The following DOCK9 variants were observed in gnomAD, a reference collection of about 807,000 sequenced individuals.
DOCK9 encodes the protein dedicator of cytokinesis 9, also known as dedicator of cytokinesis protein 9.
Under a neutral mutation model 263.3 loss-of-function variants are expected in DOCK9, and 89 were observed. That is an observed-to-expected ratio of 0.34 (90% CI 0.28 to 0.40). DOCK9 has a LOEUF of 0.40. Among genes scored for constraint, DOCK9 ranks in the 10% least tolerant of loss-of-function variants. DOCK9 has a pLI of 1.00. For missense variants in DOCK9, 2,140 were observed against 2,603.4 expected (o/e 0.82, Z 3.87); for synonymous variants, 976 against 973.1 (o/e 1.00, Z -0.06).
chr13:98,856,101 T>C, intron 33 of DOCK9, 70 bp from the exon 34 acceptor site: 5 of 1,513,810 alleles, frequency 3.3e-6, no homozygotes, highest in Non-Finnish European at 4.5e-6. Context: ...TACTGAACTT[T>C]AAGGGAAATT....
chr13:98,922,288 C>G (rs897501961), intron 5 of DOCK9, 142 bp from the exon 6 acceptor site: 2 of 553,252 alleles, frequency 3.6e-6, no homozygotes, highest in South Asian at 2.5e-5. Flanking sequence ...GACACCAATG[C>G]CTACAAGTCA....
chr13:99,074,990 T>C (rs886486031), intron 1 of DOCK9, among the ~76,000 whole-genome samples: 1 of 152,238 alleles, frequency 6.6e-6, no homozygotes, highest in Admixed American at 6.5e-5. Flanking sequence ...CAATATGTAC[T>C]GTAGTTAATT....
Position 98,794,676 on chromosome 13 carries a change from G to A in DOCK9, c.6229C>T (p.Pro2077Ser), listed in dbSNP as rs1216523178. ...ATCCCGTGAACCATTGTGCTTGTTG[G>A]AGTCCCACTGATGGCGTTGAAGATG... ...LHIFNAISGTPTSTMVHGMTS... is the reference protein window; with the variant it reads ...LHIFNAISGTSTSTMVHGMTS... Residue 2077 changes from proline to serine, a missense_variant, in exon 53 of 53, where the codon CCA becomes TCA. By Grantham distance (74) the Pro-to-Ser change is moderately conservative. Around this residue, in one of 2 missense-constraint regions of DOCK9, gnomAD observed 619 missense variants for 861.8 expected, o/e 0.72. Transcript: ENST00000682017. The A allele has an allele frequency of 1.2e-6, 2 of 1,613,606 alleles. No homozygotes were observed. Among genetic ancestry groups the A allele is most frequent in the Non-Finnish European group, 1.7e-6 (2 of 1,179,822 alleles).
At chr13:98,865,301 G>A (rs1345120746) in intron 30 of DOCK9, among the ~76,000 whole-genome samples, 4 of 152,020 alleles carry the variant, frequency 2.6e-5, no homozygotes, top group Non-Finnish European at 4.4e-5. Context: ...CGAACTCCTA[G>A]GCTCAAGTGA....
At chr13:99,074,818 AC>A (rs1226881126) in intron 1 of DOCK9, among the ~76,000 whole-genome samples, 1 of 152,148 alleles carries the variant, frequency 6.6e-6, no homozygotes, top group African/African-American at 2.4e-5. Context: ...CTCTCTACTT[AC>A]GTTAAATTTT....
intron 50 of DOCK9, among the ~76,000 whole-genome samples, chr13:98,799,450 C>T (rs2089844827): frequency 6.6e-6 from 1 of 152,124 alleles, no homozygotes; most frequent in Admixed American, 6.6e-5. Flanking sequence ...AGTGATTTAA[C>T]ACTTACCAAT....
intron 45 of DOCK9, among the ~76,000 whole-genome samples, chr13:98,812,127 A>ATTTTTTTTTTT (rs56880707): frequency 1.3e-5 from 1 of 77,648 alleles, no homozygotes; most frequent in Non-Finnish European, 2.4e-5. Flanking sequence ...AAACCACAGG[A>ATTTTTTTTTTT]TTTTTTTTTT....
In DOCK9 at chr13:98,860,487, C is replaced by T. The variant is rs1365717752; in HGVS notation, c.3615G>A (p.Val1205=). Residue 1205 remains valine, a synonymous_variant, in exon 33 of 53, where the codon GTG becomes GTA. Transcript: ENST00000682017. ...CCTTCTGCGGCGTCACCAGCGGATTCACAGCTGGTAGAGCCAGGGATTCAT... is the reference window on the plus strand; with the variant it reads ...CCTTCTGCGGCGTCACCAGCGGATTTACAGCTGGTAGAGCCAGGGATTCAT... The part of the protein sequence containing the change: ...VKDESLALPA[V]NPLVTPQKGS... 1.9e-6 allele frequency: 3 copies of T among 1,581,698 alleles called. No individual in the cohort carries two copies. In the East Asian group the frequency reaches 6.9e-5, roughly 36 times the overall value.
chr13:98,975,353 C>A (rs1197336244), intron 1 of DOCK9, among the ~76,000 whole-genome samples: 1 of 149,510 alleles, frequency 6.7e-6, no homozygotes. Context: ...CAGAGTAAGA[C>A]TTTGTCTCAA....
At chr13:98,818,451 A>G (rs2092046433) in intron 45 of DOCK9, among the ~76,000 whole-genome samples, 1 of 152,184 alleles carries the variant, frequency 6.6e-6, no homozygotes. Flanking sequence ...GAACAAATCC[A>G]GACAATGGTC....
intron 41 of DOCK9, among the ~76,000 whole-genome samples, chr13:98,830,572 G>A (rs1362360287): frequency 2.0e-5 from 3 of 152,194 alleles, no homozygotes; most frequent in East Asian, 1.9e-4. Context: ...CCCCAGATGG[G>A]TGCTTCCCCG....
At chr13:98,978,455 C>G (rs1199298941), upstream of DOCK9, among the ~76,000 whole-genome samples, 2 of 152,106 alleles carry the variant, frequency 1.3e-5, no homozygotes, top group African/African-American at 4.8e-5. Context: ...GAAGAGCTAC[C>G]AGCAAGTATG....
At chr13:98,830,824 T>C (rs2092730304) in intron 41 of DOCK9, among the ~76,000 whole-genome samples, 1 of 152,134 alleles carries the variant, frequency 6.6e-6, no homozygotes, top group South Asian at 2.1e-4. Context: ...ACAATAAATA[T>C]TGTTTTTTAA....
intron 15 of DOCK9, among the ~76,000 whole-genome samples, chr13:98,892,594 C>T (rs1204362901): frequency 6.6e-6 from 1 of 152,102 alleles, no homozygotes; most frequent in Non-Finnish European, 1.5e-5. Context: ...ATTCAATAAG[C>T]ATTTATCAAG....
intron 22 of DOCK9, among the ~76,000 whole-genome samples, 195 bp from the exon 23 acceptor site, chr13:98,883,326 C>A (rs1490947425): frequency 1.3e-5 from 2 of 152,114 alleles, no homozygotes; most frequent in Non-Finnish European, 2.9e-5. Flanking sequence ...TGGCTCACTG[C>A]GGCCTTGACC....
intron 1 of DOCK9, among the ~76,000 whole-genome samples, chr13:99,043,398 C>T (rs1166409939): frequency 2.0e-5 from 3 of 152,008 alleles, no homozygotes; most frequent in Non-Finnish European, 4.4e-5. Flanking sequence ...CCACCCATCC[C>T]GGAGGCACCC....
rs550397629 is a variant in DOCK9 at position 98,995,675 on chromosome 13, A to C, written c.130-40124T>G. 9.7e-4 allele frequency among the ~76,000 whole-genome samples: 147 copies of C among 151,952 alleles called. 2 individuals are homozygous for C. Among genetic ancestry groups the C allele is most frequent in the African/African-American group, 3.4e-3 (140 of 41,430 alleles). On this transcript the variant is annotated intron_variant, in intron 1 of 32. Coordinates refer to the DOCK9 transcript ENST00000427887. ...GGCTAATTTTTTGTATTTTCAGTAG[A>C]GACGGGGTTTCAGCGTGTTAGCCAG...
intron 30 of DOCK9, among the ~76,000 whole-genome samples, chr13:98,866,221 A>C (rs777732466): frequency 1.3e-5 from 2 of 152,080 alleles, no homozygotes; most frequent in Non-Finnish European, 1.5e-5. Context: ...TGTATGTAGA[A>C]TAGCCGGGGA....
chr13:98,863,007 A>G lies in DOCK9; in HGVS notation c.3579+12T>C. 6.3e-7 allele frequency: 1 copy of G among 1,591,570 alleles called. No individual in the cohort carries two copies. The highest frequency in any genetic ancestry group is 8.6e-7 in the Non-Finnish European group (1 of 1,168,180). ...TGATATAGGCTGAGTTAATGTGACC[A>G]TGCTTACGTACCATGCCCGCGTTCA... On this transcript the variant is annotated intron_variant, in intron 32 of 52. Coordinates refer to ENST00000682017, the MANE Select transcript of DOCK9 (RefSeq NM_001366683.2).
Sources: allele counts gnomAD v4.1 joint callset (sites outside exome capture counted in the v4.1 genomes callset), GRCh38; gene constraint gnomAD v4.1.1; regional missense constraint gnomAD v4.1.1; transcripts MANE v1.5; gene names NCBI Gene and HGNC (gene_info 2026-07-23, HGNC 2026-07-21).